Variants in SPOCK3 observed in about 807,000 individuals in gnomAD.
SPOCK3 encodes SPARC (osteonectin), cwcv and kazal like domains proteoglycan 3.
In SPOCK3, 30 loss-of-function variants were observed where a neutral mutation model predicts 56.6. The ratio of observed to expected loss-of-function variants is 0.53; its 90% CI spans 0.40 to 0.72. SPOCK3 has a LOEUF of 0.72. Among genes scored for constraint, SPOCK3 ranks in the 30% least tolerant of loss-of-function variants. The pLI, the probability that SPOCK3 is intolerant of heterozygous loss-of-function variation, is 0.00. For synonymous variants in SPOCK3, 196 were observed against 183.3 expected (o/e 1.07, Z -0.56); for missense variants, 527 against 530.0 (o/e 0.99, Z 0.06).
intron 6 of SPOCK3, among the ~76,000 whole-genome samples, chr4:166,815,024 C>T (rs1744237710): frequency 6.6e-6 from 1 of 151,960 alleles, no homozygotes; most frequent in Non-Finnish European, 1.5e-5. Context: ...AAACAAAATC[C>T]ATATTTTTTA....
At chr4:166,750,545 A>AC (rs1263333871) in intron 8 of SPOCK3, among the ~76,000 whole-genome samples, 13 of 51,788 alleles carry the variant, frequency 2.5e-4, no homozygotes, top group Non-Finnish European at 5.0e-4. Context: ...CTAAACCAGT[A>AC]GGGAAGAATG....
chr4:167,023,096 C>G (rs191812700), intron 3 of SPOCK3, among the ~76,000 whole-genome samples: 1 of 151,754 alleles, frequency 6.6e-6, no homozygotes, highest in African/African-American at 2.4e-5. Flanking sequence ...AATGGTTTTT[C>G]ACTTAGTCAA....
intron 3 of SPOCK3, among the ~76,000 whole-genome samples, chr4:167,024,447 T>C (rs1751500830): frequency 6.6e-6 from 1 of 152,162 alleles, no homozygotes; most frequent in Non-Finnish European, 1.5e-5. Flanking sequence ...GGTTTATAAA[T>C]TTCTTCTAAT....
rs1435934676 is a variant in SPOCK3, at chr4:166,908,564, T to C, written c.474+4056A>G. Reference sequence around the variant, plus strand: ...CACACACACACACACACACACACAATTTTATGAACAATACTAATTTCTAAG... The same window carrying C: ...CACACACACACACACACACACACAACTTTATGAACAATACTAATTTCTAAG... On this transcript the variant is annotated intron_variant, in intron 5 of 10. Transcript: ENST00000357545. Among the ~76,000 whole-genome samples the C allele has an allele frequency of 1.4e-5, 2 of 140,638 alleles. 1 individual carries two copies. The highest frequency in any genetic ancestry group is 3.1e-5 in the Non-Finnish European group (2 of 64,460). 92.3% of individuals were successfully genotyped at this position (140,638 alleles called of 152,430 possible).
chr4:166,934,070 C>T (rs1740095249), intron 4 of SPOCK3, among the ~76,000 whole-genome samples: 1 of 151,840 alleles, frequency 6.6e-6, no homozygotes, highest in South Asian at 2.1e-4. Flanking sequence ...CTTCATAATT[C>T]TTAATAATGC....
intron 6 of SPOCK3, chr4:166,882,918 A>C (rs931570771): frequency 6.6e-6 from 1 of 152,180 alleles, no homozygotes; most frequent in Non-Finnish European, 1.5e-5. Context: ...CTTGCCAATA[A>C]ACTGACTTAA....
intron 6 of SPOCK3, among the ~76,000 whole-genome samples, chr4:166,879,404 C>T (rs974657730): frequency 2.0e-5 from 3 of 151,998 alleles, no homozygotes; most frequent in Admixed American, 1.3e-4. Context: ...GGCATGGTGG[C>T]GTGCACTTAT....
chr4:166,820,318 A>T (rs1051900513), intron 6 of SPOCK3, among the ~76,000 whole-genome samples: 1 of 152,080 alleles, frequency 6.6e-6, no homozygotes, highest in African/African-American at 2.4e-5. Flanking sequence ...AGATAAAACT[A>T]TTATTCATCA....
chr4:166,914,217 A>C (rs757498792), intron 4 of SPOCK3, among the ~76,000 whole-genome samples: 21 of 152,060 alleles, frequency 1.4e-4, no homozygotes, highest in Non-Finnish European at 2.1e-4. Context: ...ATTTTATTAG[A>C]GCAAAAGAGG....
chr4:166,957,137 C>A (rs916491647), intron 4 of SPOCK3, among the ~76,000 whole-genome samples: 5 of 152,106 alleles, frequency 3.3e-5, no homozygotes, highest in African/African-American at 1.2e-4. Flanking sequence ...TGCCTGTAGT[C>A]CCAGCTACTG....
At chr4:167,110,332 G>C (rs1760792362) in intron 2 of SPOCK3, among the ~76,000 whole-genome samples, 1 of 151,928 alleles carries the variant, frequency 6.6e-6, no homozygotes, top group Non-Finnish European at 1.5e-5. Flanking sequence ...AGGAAAGAAA[G>C]AAAAAGAAAT....
At chr4:167,079,289 T>C (rs1757497775) in intron 2 of SPOCK3, among the ~76,000 whole-genome samples, 1 of 152,000 alleles carries the variant, frequency 6.6e-6, no homozygotes, top group Non-Finnish European at 1.5e-5. Context: ...TTTCAAAGCT[T>C]CCCACAAAAT....
chr4:166,967,510 G>T (rs1744871353), intron 4 of SPOCK3, among the ~76,000 whole-genome samples: 2 of 152,104 alleles, frequency 1.3e-5, no homozygotes, highest in Non-Finnish European at 2.9e-5. Flanking sequence ...GTTTAAAAGT[G>T]TATAGCACTT....
chr4:167,081,712 G>A (rs1417493808), intron 2 of SPOCK3, among the ~76,000 whole-genome samples: 1 of 152,032 alleles, frequency 6.6e-6, no homozygotes, highest in Non-Finnish European at 1.5e-5. Context: ...AAAGAGAGAG[G>A]CAAGGAGGGA....
In SPOCK3 at chr4:166,777,411, C is replaced by T. The variant is rs978866167; in HGVS notation, c.709+14759G>A. Reference sequence around the variant, plus strand: ...CAGTTATTGCAACCTAGCTGAGTCACGTACTTGATATTGGTTTGCTATTAC... The same window carrying T: ...CAGTTATTGCAACCTAGCTGAGTCATGTACTTGATATTGGTTTGCTATTAC... On this transcript the variant is annotated intron_variant, in intron 7 of 10. Transcript: ENST00000357545. Among the ~76,000 whole-genome samples the T allele has an allele frequency of 4.6e-5, 7 of 152,236 alleles. No individual in the cohort carries two copies. The East Asian group carries it at 9.6e-4, about 21-fold the overall frequency.
chr4:167,079,049 A>G (rs1359607139), intron 2 of SPOCK3, among the ~76,000 whole-genome samples: 1 of 151,646 alleles, frequency 6.6e-6, no homozygotes, highest in African/African-American at 2.4e-5. Flanking sequence ...TATTCTTTGC[A>G]TCTCCAAATG....
chr4:167,227,359 C>T (rs551668721), intron 2 of SPOCK3, among the ~76,000 whole-genome samples: 1 of 151,948 alleles, frequency 6.6e-6, no homozygotes, highest in African/African-American at 2.4e-5. Flanking sequence ...TTGAGGTGGC[C>T]AGAAATTGAA....
At chr4:166,922,401 T>G (rs1738597584) in intron 4 of SPOCK3, among the ~76,000 whole-genome samples, 2 of 152,220 alleles carry the variant, frequency 1.3e-5, no homozygotes, top group African/African-American at 4.8e-5. Flanking sequence ...TGAAGTTATA[T>G]TCATCTTTGA....
chr4:167,065,855 A>G lies in SPOCK3; in HGVS notation c.190-3318T>C, dbSNP rs138785831. Among the ~76,000 whole-genome samples, 1,254 of 152,016 alleles carry G rather than the reference A, an allele frequency of 8.2e-3. 16 individuals carry two copies. The highest frequency in any genetic ancestry group is 0.028 in the African/African-American group (1,178 of 41,520). ...TTCAATTTATATCCAAAATAAGCCA[A>G]CCAGGGATTTAGAAAACAACTACAA... On this transcript the variant is annotated intron_variant, in intron 2 of 10. Coordinates refer to ENST00000357545, the MANE Select transcript of SPOCK3 (RefSeq NM_001040159.2).
Sources: gnomAD v4.1 joint callset for allele counts (sites outside exome capture counted in the v4.1 genomes callset) on GRCh38, gnomAD v4.1.1 for gene constraint, MANE v1.5 for transcripts, NCBI Gene and HGNC (gene_info 2026-07-23, HGNC 2026-07-21) for gene names.